The following TENM2 variants were observed in gnomAD, a reference collection of about 807,000 sequenced individuals.
The protein encoded by TENM2 is teneurin-2.
In TENM2, 52 loss-of-function variants were observed where a neutral mutation model predicts 245.2. That is an observed-to-expected ratio of 0.21 (90% CI 0.17 to 0.27). The LOEUF (loss-of-function observed/expected upper bound fraction) is 0.27, where lower values mean the gene tolerates loss of function less well. Among genes scored for constraint, TENM2 ranks in the 10% least tolerant of loss-of-function variants. TENM2 has a pLI of 1.00. For missense variants in TENM2, 3,046 were observed against 3,666.8 expected, an observed-to-expected ratio of 0.83 and a Z score of 4.37; for synonymous variants, 1,363 against 1,438.9, an observed-to-expected ratio of 0.95 and a Z score of 1.19.
chr5:167,908,757 A>G (rs907090598), intron 3 of TENM2, among the ~76,000 whole-genome samples: 2 of 150,856 alleles, frequency 1.3e-5, no homozygotes, highest in African/African-American at 4.9e-5. Flanking sequence ...TTCTCAACAA[A>G]TATGCCCTGA....
intron 2 of TENM2, among the ~76,000 whole-genome samples, chr5:167,476,755 C>T (rs1767411426): frequency 2.0e-5 from 3 of 152,040 alleles, no homozygotes; most frequent in Admixed American, 6.6e-5. Context: ...CCTGCTGTCA[C>T]GCCCAGCTAA....
intron 2 of TENM2, among the ~76,000 whole-genome samples, chr5:167,595,802 T>G (rs1776164842): frequency 6.6e-6 from 1 of 152,212 alleles, no homozygotes; most frequent in South Asian, 2.1e-4. Context: ...AATAGATCCT[T>G]GTTTAAATCC....
At chr5:167,802,359 A>G (rs1464303463) in intron 2 of TENM2, among the ~76,000 whole-genome samples, 2 of 152,154 alleles carry the variant, frequency 1.3e-5, no homozygotes, top group Admixed American at 6.5e-5. Context: ...CATTTCTTCT[A>G]TGTGTTAAGT....
chr5:167,399,907 T>C (rs954142964), intron 2 of TENM2, among the ~76,000 whole-genome samples: 12 of 151,572 alleles, frequency 7.9e-5, no homozygotes, highest in African/African-American at 2.9e-4. Flanking sequence ...CATCTTAAGC[T>C]GAGAATACAA....
At chr5:167,638,662 C>A (rs1024634490) in intron 2 of TENM2, among the ~76,000 whole-genome samples, 2 of 152,166 alleles carry the variant, frequency 1.3e-5, no homozygotes, top group African/African-American at 2.4e-5. Flanking sequence ...AATTTAGCCA[C>A]GAATTGCTTT....
chr5:167,845,204 T>C (rs1346667843), intron 2 of TENM2, among the ~76,000 whole-genome samples: 1 of 149,674 alleles, frequency 6.7e-6, no homozygotes, highest in Non-Finnish European at 1.5e-5. Flanking sequence ...CTCACCATCA[T>C]TATTACCCCT....
intron 3 of TENM2, among the ~76,000 whole-genome samples, chr5:167,899,848 C>A (rs1775541306): frequency 6.6e-6 from 1 of 152,142 alleles, no homozygotes; most frequent in Admixed American, 6.5e-5. Context: ...GAAAGAACGG[C>A]ATCCGACTCT....
At chr5:168,035,740 C>T (rs1787607461) in intron 5 of TENM2, among the ~76,000 whole-genome samples, 1 of 152,128 alleles carries the variant, frequency 6.6e-6, no homozygotes, top group African/African-American at 2.4e-5. Context: ...AGAAGTGCCT[C>T]TGAGGTTTCG....
At chr5:168,036,677 G>GTATATATATATATATA (rs60784450) in intron 5 of TENM2, among the ~76,000 whole-genome samples, 28 of 117,782 alleles carry the variant, frequency 2.4e-4, no homozygotes, top group African/African-American at 8.5e-4. Flanking sequence ...ATATGTATGT[G>GTATATATATATATATA]TATATATATA....
the TENM2 span, among the ~76,000 whole-genome samples, chr5:167,223,078 G>A: frequency 9.2e-5 from 14 of 151,924 alleles, no homozygotes; most frequent in African/African-American, 2.7e-4. Flanking sequence ...ATATTCATGG[G>A]GTGCTTGTGA....
the TENM2 span, among the ~76,000 whole-genome samples, chr5:167,152,095 A>G: frequency 6.6e-6 from 1 of 152,220 alleles, no homozygotes; most frequent in Non-Finnish European, 1.5e-5. Context: ...TCAGAGAAAT[A>G]ATCACATTGG....
chr5:167,212,306 G>GT, the TENM2 span, among the ~76,000 whole-genome samples: 1 of 152,148 alleles, frequency 6.6e-6, no homozygotes. Flanking sequence ...AGCCACAGCA[G>GT]CAGCCGGACC....
At chr5:168,062,359 C>A in intron 7 of TENM2, 94 bp downstream of exon 9, 1 of 970,962 alleles carries the variant, frequency 1.0e-6, no homozygotes. Flanking sequence ...ACTACAATGC[C>A]TATAATTAAA....
intron 2 of TENM2, among the ~76,000 whole-genome samples, chr5:167,463,945 G>A (rs2127497369): frequency 6.6e-6 from 1 of 152,340 alleles, no homozygotes; most frequent in Middle Eastern, 3.4e-3. Context: ...CTGTGCTGAT[G>A]AGGAATTGGG....
chr5:167,035,823 T>G, the TENM2 span, among the ~76,000 whole-genome samples: 4 of 152,220 alleles, frequency 2.6e-5, no homozygotes, highest in African/African-American at 7.2e-5. Context: ...CACTGGAACC[T>G]CTGCCGCCTC....
At chr5:167,332,702 A>ATTT (rs1757531949) in intron 1 of TENM2, among the ~76,000 whole-genome samples, 1 of 152,206 alleles carries the variant, frequency 6.6e-6, no homozygotes, top group Non-Finnish European at 1.5e-5. Context: ...CATAAACACT[A>ATTT]ATCACACAAA....
chr5:167,371,001 T>A (rs1401890015), intron 1 of TENM2, among the ~76,000 whole-genome samples: 1 of 152,218 alleles, frequency 6.6e-6, no homozygotes, highest in African/African-American at 2.4e-5. Context: ...GTTGAGCTAG[T>A]ATTAAAAATG....
chr5:168,250,109 TGGA>T (rs1766973059), intron 27 of TENM2, among the ~76,000 whole-genome samples: 1 of 1,764 alleles, frequency 5.7e-4, no homozygotes. Flanking sequence ...GATGAGTGGA[TGGA>T]TGGATGGATG....
At chr5:167,761,932 C>T (rs1321352150) in intron 2 of TENM2, among the ~76,000 whole-genome samples, 1 of 152,172 alleles carries the variant, frequency 6.6e-6, no homozygotes, top group African/African-American at 2.4e-5. Context: ...AAAAAGTTTC[C>T]TCAACTTTGA....
Sources: gnomAD v4.1 joint callset for allele counts (sites outside exome capture counted in the v4.1 genomes callset) on GRCh38, gnomAD v4.1.1 for gene constraint, MANE v1.5 for transcripts, NCBI Gene and HGNC (gene_info 2026-07-23, HGNC 2026-07-21) for gene names.